Variants in KANK1 observed in about 807,000 individuals in gnomAD.
KANK1 encodes KN motif and ankyrin repeat domains 1.
A neutral mutation model predicts 106.2 loss-of-function variants in KANK1; 109 were observed. The observed-to-expected ratio is 1.03, with a 90% CI of 0.88 to 1.20. The LOEUF is 1.20. Ranked by LOEUF, KANK1 falls within the 50% of genes most tolerant of loss-of-function variation. The pLI is 0.00. For missense variants in KANK1, 2,399 were observed against 1,710.7 expected (o/e 1.40, Z -7.10); for synonymous variants, 873 against 652.2 (o/e 1.34, Z -5.16).
At chr9:729,494 C>T (rs770299175) in intron 3 of KANK1, among the ~76,000 whole-genome samples, 2 of 152,176 alleles carry the variant, frequency 1.3e-5, no homozygotes, top group Non-Finnish European at 2.9e-5. Context: ...ACAAGAGACC[C>T]GCATCTCTAT....
chr9:738,148 G>A, intron 7 of KANK1, 137 bp from the exon 8 acceptor site: 1 of 666,952 alleles, frequency 1.5e-6, no homozygotes, highest in East Asian at 2.7e-5. Flanking sequence ...GCTTCTCTTA[G>A]GGCTGTTGGT....
At chr9:503,889 G>A (rs1458751450), upstream of KANK1, among the ~76,000 whole-genome samples, 1 of 152,198 alleles carries the variant, frequency 6.6e-6, no homozygotes, top group Admixed American at 6.5e-5. Context: ...CCCGAGGCAG[G>A]CGTTGGGTCT....
intron 1 of KANK1, among the ~76,000 whole-genome samples, chr9:582,255 C>A (rs1055831051): frequency 1.4e-4 from 21 of 152,056 alleles, no homozygotes; most frequent in Non-Finnish European, 2.9e-4. Flanking sequence ...TGTGGCTTTA[C>A]CTGCCCCAAA....
chr9:591,719 C>T (rs1824930231), intron 1 of KANK1, among the ~76,000 whole-genome samples: 2 of 151,708 alleles, frequency 1.3e-5, no homozygotes, highest in Admixed American at 6.6e-5. Flanking sequence ...TTCTGTGGTG[C>T]GATCTTGGCT....
rs551576156 is a variant in KANK1, at chr9:744,807, C to A, written c.3996+218C>A. 1.0e-5 allele frequency: 15 copies of A among 1,442,204 alleles called. No homozygotes were observed. In the Admixed American group the frequency reaches 2.3e-4, roughly 22 times the overall value. The allele number at this position is 1,442,204 out of a possible 1,614,324, so 89.3% of individuals were successfully genotyped here. ...CTGGACCTTGCTTGTCCTTGCAAGA[C>A]ATATGCTCACAGCTTCCCATAGAGG... is the stretch of plus-strand genomic sequence containing the variant. On this transcript the variant is annotated intron_variant, in intron 11 of 11. Transcript: ENST00000382297.
chr9:575,349 C>G (rs1465880727), intron 1 of KANK1, among the ~76,000 whole-genome samples: 2 of 152,138 alleles, frequency 1.3e-5, no homozygotes, highest in African/African-American at 4.8e-5. Flanking sequence ...ATTCTTAGTA[C>G]TTCATGAGAC....
chr9:608,425 C>T (rs937487985), intron 1 of KANK1, among the ~76,000 whole-genome samples: 4 of 151,804 alleles, frequency 2.6e-5, no homozygotes, highest in Non-Finnish European at 4.4e-5. Flanking sequence ...TCTTAAAGAG[C>T]TAAAAGAAAT....
At chr9:637,832 A>G (rs79484768) in intron 1 of KANK1, among the ~76,000 whole-genome samples, 6,983 of 152,268 alleles carry the variant, frequency 0.046, 174 homozygotes, top group Non-Finnish European at 0.058. Flanking sequence ...GACAGATGGG[A>G]AATTGCCTTC....
intron 2 of KANK1, among the ~76,000 whole-genome samples, chr9:694,533 T>A (rs1406334535): frequency 6.6e-6 from 1 of 152,168 alleles, no homozygotes; most frequent in Admixed American, 6.5e-5. Flanking sequence ...TTTTGGCTGT[T>A]TTGAGACAGA....
intron 1 of KANK1, among the ~76,000 whole-genome samples, chr9:567,358 C>A (rs968130839): frequency 6.6e-6 from 1 of 152,184 alleles, no homozygotes; most frequent in Non-Finnish European, 1.5e-5. Context: ...TCTCATAACC[C>A]TAACCTTGTG....
At chr9:558,385 C>T (rs112092101) in intron 1 of KANK1, among the ~76,000 whole-genome samples, 28 of 152,334 alleles carry the variant, frequency 1.8e-4, no homozygotes, top group African/African-American at 5.1e-4. Flanking sequence ...GGGAACAATA[C>T]AGAGTTAGAT....
At chr9:479,226 A>G (rs866986268) in intron 3 of KANK1, among the ~76,000 whole-genome samples, 16 of 152,206 alleles carry the variant, frequency 1.1e-4, no homozygotes, top group Non-Finnish European at 5.9e-5. Flanking sequence ...TACCAATGTT[A>G]ACAGACGCAT....
chr9:538,616 C>T (rs1374740796), intron 1 of KANK1, among the ~76,000 whole-genome samples: 4 of 152,070 alleles, frequency 2.6e-5, no homozygotes, highest in East Asian at 1.9e-4. Context: ...GTTTCAACAG[C>T]GTGGTGCTAT....
At chr9:507,791 C>A (rs568825091) in intron 1 of KANK1, among the ~76,000 whole-genome samples, 9 of 152,194 alleles carry the variant, frequency 5.9e-5, no homozygotes, top group African/African-American at 2.2e-4. Context: ...CTCTTGACAT[C>A]GTGATGTGCC....
At chr9:674,762 G>A (rs960361264) in intron 1 of KANK1, among the ~76,000 whole-genome samples, 2 of 152,164 alleles carry the variant, frequency 1.3e-5, no homozygotes, top group African/African-American at 2.4e-5. Flanking sequence ...GGGGTGCAGT[G>A]GTGCAATCTC....
At chr9:576,485 T>G (rs1820598838) in intron 1 of KANK1, among the ~76,000 whole-genome samples, 1 of 152,224 alleles carries the variant, frequency 6.6e-6, no homozygotes, top group Non-Finnish European at 1.5e-5. Flanking sequence ...CTCATGCCAA[T>G]CATATGCTTG....
At chr9:743,831 C>T (rs1401455506) in intron 10 of KANK1, among the ~76,000 whole-genome samples, 1 of 152,230 alleles carries the variant, frequency 6.6e-6, no homozygotes, top group South Asian at 2.1e-4. Context: ...CACTGCACTG[C>T]AGCCTGGGAG....
intron 1 of KANK1, among the ~76,000 whole-genome samples, chr9:529,387 G>T (rs189837116): frequency 5.9e-5 from 9 of 151,650 alleles, no homozygotes; most frequent in African/African-American, 2.2e-4. Context: ...TTTCAGTAGA[G>T]ATGGGCTTTC....
intron 1 of KANK1, among the ~76,000 whole-genome samples, chr9:533,974 G>C (rs974967117): frequency 2.0e-5 from 3 of 152,170 alleles, no homozygotes; most frequent in Admixed American, 6.5e-5. Context: ...TTTATGTTGA[G>C]ATAAGGAGAA....
Sources: allele counts gnomAD v4.1 joint callset (sites outside exome capture counted in the v4.1 genomes callset), GRCh38; gene constraint gnomAD v4.1.1; transcripts MANE v1.5; gene names NCBI Gene and HGNC (gene_info 2026-07-23, HGNC 2026-07-21).